FAM210A: variants seen among roughly 807,000 people sequenced by gnomAD.
FAM210A encodes the protein mitochondrial inner membrane scaffold 1, also known as family with sequence similarity 210 member A.
In FAM210A, 13 loss-of-function variants were observed where a neutral mutation model predicts 25.3. The ratio of observed to expected loss-of-function variants is 0.51; its 90% CI spans 0.33 to 0.82. The LOEUF is 0.82. Among genes scored for constraint, FAM210A ranks in the 40% least tolerant of loss-of-function variants. FAM210A has a pLI of 0.02. For missense variants in FAM210A, 319 were observed against 323.2 expected, an observed-to-expected ratio of 0.99 and a Z score of 0.10; for synonymous variants, 125 against 118.7, an observed-to-expected ratio of 1.05 and a Z score of -0.35.
chr18:13,696,058 C>G (rs937929556), intron 1 of FAM210A, among the ~76,000 whole-genome samples: 1 of 151,960 alleles, frequency 6.6e-6, no homozygotes, highest in Non-Finnish European at 1.5e-5. Context: ...ATAAGGAAAA[C>G]CTCAAAACTC....
intron 1 of FAM210A, among the ~76,000 whole-genome samples, chr18:13,694,734 T>C (rs976838945): frequency 2.6e-5 from 4 of 152,214 alleles, no homozygotes; most frequent in African/African-American, 7.2e-5. Context: ...GATTACAGAC[T>C]TAAATGTTAG....
chr18:13,680,340 T>C (rs943733776), intron 2 of FAM210A, among the ~76,000 whole-genome samples: 2 of 152,072 alleles, frequency 1.3e-5, no homozygotes, highest in African/African-American at 4.8e-5. Context: ...CCATAAAATA[T>C]ACACCTAAAG....
intron 3 of FAM210A, among the ~76,000 whole-genome samples, chr18:13,670,348 T>G (rs1195909653): frequency 6.6e-6 from 1 of 152,178 alleles, no homozygotes; most frequent in Non-Finnish European, 1.5e-5. Context: ...AATTTTTAAA[T>G]TTAATACACT....
rs557176062 is a variant in FAM210A at position 13,695,527 on chromosome 18, T to C, written c.-28-13422A>G. On this transcript the variant is annotated intron_variant, in intron 1 of 3. Transcript: ENST00000651643. ...GGCACATATACACCATGGAATACTA[T>C]GCAGCCATAAAAAAGGATGAGTTAA... is the stretch of plus-strand genomic sequence containing the variant. Among the ~76,000 whole-genome samples, 9 of 152,294 alleles carry C rather than the reference T, an allele frequency of 5.9e-5. No homozygotes were observed. In the East Asian group the frequency reaches 1.4e-3, roughly 23 times the overall value.
At chr18:13,677,444 G>T (rs1327850589) in intron 2 of FAM210A, among the ~76,000 whole-genome samples, 1 of 152,302 alleles carries the variant, frequency 6.6e-6, no homozygotes, top group Non-Finnish European at 1.5e-5. Flanking sequence ...TGAGTAAGCA[G>T]GGGGTACGTG....
chr18:13,698,278 G>C (rs2043711153), intron 1 of FAM210A, among the ~76,000 whole-genome samples: 1 of 149,136 alleles, frequency 6.7e-6, no homozygotes. Context: ...CTTGAACCCA[G>C]GGGGCGGAGG....
chr18:13,721,160 T>C (rs917066495), intron 1 of FAM210A, among the ~76,000 whole-genome samples: 2 of 152,176 alleles, frequency 1.3e-5, no homozygotes, highest in Non-Finnish European at 2.9e-5. Context: ...AGAGATCTTG[T>C]TATGACATAG....
intron 1 of FAM210A, among the ~76,000 whole-genome samples, chr18:13,690,395 G>A (rs2043633423): frequency 6.6e-6 from 1 of 152,226 alleles, no homozygotes; most frequent in Admixed American, 6.5e-5. Flanking sequence ...TGACAGCTTT[G>A]AAGAGAGTAG....
intron 1 of FAM210A, among the ~76,000 whole-genome samples, chr18:13,702,472 A>G (rs959368839): frequency 6.6e-6 from 1 of 152,204 alleles, no homozygotes; most frequent in African/African-American, 2.4e-5. Context: ...CACACAAACA[A>G]AAAAACTGTA....
At chr18:13,671,686 T>A (rs372665969) in intron 3 of FAM210A, among the ~76,000 whole-genome samples, 176 bp downstream of exon 3, 1 of 130,396 alleles carries the variant, frequency 7.7e-6, no homozygotes, top group Non-Finnish European at 1.6e-5. Flanking sequence ...CGAAACTCCA[T>A]CTCCAAAAAA....
chr18:13,725,066 CG>C (rs1478334028), intron 1 of FAM210A, among the ~76,000 whole-genome samples: 1 of 152,122 alleles, frequency 6.6e-6, no homozygotes, highest in East Asian at 1.9e-4. Context: ...CCACTGCACC[CG>C]GTGTTTAAAA....
intron 1 of FAM210A, among the ~76,000 whole-genome samples, chr18:13,718,199 G>C (rs1601970866): frequency 6.6e-6 from 1 of 152,116 alleles, no homozygotes; most frequent in Non-Finnish European, 1.5e-5. Flanking sequence ...GCTAAATGTG[G>C]GGGTAATTTG....
chr18:13,715,898 A>T (rs1568489594), intron 1 of FAM210A, among the ~76,000 whole-genome samples: 2 of 152,192 alleles, frequency 1.3e-5, no homozygotes, highest in East Asian at 3.9e-4. Context: ...ACTGTGGCTC[A>T]ATGCTTACAC....
chr18:13,666,637 T>A lies in FAM210A; in HGVS notation c.662A>T (p.Tyr221Phe). 6.2e-7 allele frequency: 1 copy of A among 1,614,220 alleles called. No individual in the cohort carries two copies. The highest frequency in any genetic ancestry group is 1.7e-5 in the Admixed American group (1 of 60,032). ...CTTGACGGGTGGCGGCGTGGACATG[T>A]AGCCATGACTGCGCAGATACTTCAC... ...VTVKYLRSHG[Y>F]MSTPPPVKEY... Residue 221 changes from tyrosine to phenylalanine, a missense_variant, in exon 4 of 4, where the codon TAC becomes TTC. Transcript: ENST00000651643.
At chr18:13,703,439 A>C (rs2043756285) in intron 1 of FAM210A, among the ~76,000 whole-genome samples, 1 of 152,172 alleles carries the variant, frequency 6.6e-6, no homozygotes, top group Admixed American at 6.5e-5. Context: ...TGCACAGTAA[A>C]AGCATTGCAC....
chr18:13,719,387 T>C (rs2043883086), intron 1 of FAM210A, among the ~76,000 whole-genome samples: 1 of 152,166 alleles, frequency 6.6e-6, no homozygotes, highest in African/African-American at 2.4e-5. Context: ...TAAGTAAAAA[T>C]GGGGAAGCCC....
chr18:13,712,339 A>T (rs747036697), intron 1 of FAM210A, among the ~76,000 whole-genome samples: 2 of 152,242 alleles, frequency 1.3e-5, no homozygotes, highest in Non-Finnish European at 2.9e-5. Flanking sequence ...CAATTAATGC[A>T]GAACTTAAAG....
At chr18:13,676,535 G>C (rs985943982) in intron 2 of FAM210A, among the ~76,000 whole-genome samples, 4 of 152,194 alleles carry the variant, frequency 2.6e-5, no homozygotes, top group African/African-American at 9.7e-5. Context: ...TGCCATGATG[G>C]CTCTTGCTCT....
intron 2 of FAM210A, among the ~76,000 whole-genome samples, chr18:13,677,583 T>C (rs2043516214): frequency 6.6e-6 from 1 of 152,222 alleles, no homozygotes; most frequent in Non-Finnish European, 1.5e-5. Flanking sequence ...GTTCGATCTT[T>C]AACTACCAGG....
Sources: allele counts gnomAD v4.1 joint callset (sites outside exome capture counted in the v4.1 genomes callset), GRCh38; gene constraint gnomAD v4.1.1; transcripts MANE v1.5; gene names NCBI Gene and HGNC (gene_info 2026-07-23, HGNC 2026-07-21).